The following SLC24A3 variants were observed in gnomAD, a reference collection of about 807,000 sequenced individuals.
SLC24A3 encodes solute carrier family 24 member 3.
Under a neutral mutation model 75.8 loss-of-function variants are expected in SLC24A3, and 28 were observed. The observed-to-expected ratio is 0.37, with a 90% CI of 0.27 to 0.51. The LOEUF (loss-of-function observed/expected upper bound fraction) is 0.51. Among genes scored for constraint, SLC24A3 ranks in the 20% least tolerant of loss-of-function variants. The pLI, the probability that SLC24A3 is intolerant of heterozygous loss-of-function variation, is 0.94. For missense variants in SLC24A3, 663 were observed against 847.8 expected, an observed-to-expected ratio of 0.78 and a Z score of 2.71; for synonymous variants, 372 against 334.1, an observed-to-expected ratio of 1.11 and a Z score of -1.24.
intron 1 of SLC24A3, among the ~76,000 whole-genome samples, chr20:19,268,631 C>T (rs754526421): frequency 3.3e-5 from 5 of 152,172 alleles, no homozygotes; most frequent in Non-Finnish European, 7.3e-5. Context: ...ACCAAGATGA[C>T]AAATTTCTGC....
chr20:19,520,769 T>C (rs1444166315), intron 3 of SLC24A3, among the ~76,000 whole-genome samples: 1 of 152,190 alleles, frequency 6.6e-6, no homozygotes, highest in Non-Finnish European at 1.5e-5. Flanking sequence ...CTTCCTCCCC[T>C]GGACCCAGGG....
intron 3 of SLC24A3, among the ~76,000 whole-genome samples, chr20:19,555,337 G>C (rs2030765490): frequency 6.6e-6 from 1 of 152,174 alleles, no homozygotes; most frequent in Non-Finnish European, 1.5e-5. Flanking sequence ...GTCGTGATTT[G>C]ACACTTCTTA....
chr20:19,354,034 T>C (rs888904513), intron 2 of SLC24A3, among the ~76,000 whole-genome samples: 5 of 152,042 alleles, frequency 3.3e-5, no homozygotes, highest in African/African-American at 1.2e-4. Flanking sequence ...TTCTAATAGC[T>C]CCAAACTAGA....
intron 2 of SLC24A3, among the ~76,000 whole-genome samples, chr20:19,454,948 GAC>G (rs1987553435): frequency 6.6e-6 from 1 of 152,158 alleles, no homozygotes; most frequent in Non-Finnish European, 1.5e-5. Context: ...GAGAATTATA[GAC>G]AGAGTCTAGG....
At chr20:19,408,390 CT>C (rs1219522685) in intron 2 of SLC24A3, among the ~76,000 whole-genome samples, 4,533 of 136,958 alleles carry the variant, frequency 0.033, 142 homozygotes, top group African/African-American at 0.1. Context: ...ATTAAAAATA[CT>C]TTTTTTTTTT....
At chr20:19,395,836 C>T (rs1007598874) in intron 2 of SLC24A3, among the ~76,000 whole-genome samples, 12 of 152,068 alleles carry the variant, frequency 7.9e-5, no homozygotes, top group Admixed American at 5.9e-4. Context: ...ATGAAGAGTT[C>T]ATGCCTGTGT....
At chr20:19,371,756 A>C (rs1176189453) in intron 2 of SLC24A3, among the ~76,000 whole-genome samples, 1 of 152,176 alleles carries the variant, frequency 6.6e-6, no homozygotes, top group South Asian at 2.1e-4. Flanking sequence ...TGTGAAGCTG[A>C]GGAAAGTCCT....
At chr20:19,680,172 CTGTGTGTCTG>C (rs377264326) in intron 9 of SLC24A3, among the ~76,000 whole-genome samples, 9,611 of 147,392 alleles carry the variant, frequency 0.065, 332 homozygotes, top group Middle Eastern at 0.12. Context: ...CTGTGTGTCT[CTGTGTGTCTG>C]TATGTGCATG....
At chr20:19,521,146 C>G (rs781185546) in intron 3 of SLC24A3, among the ~76,000 whole-genome samples, 17 of 152,168 alleles carry the variant, frequency 1.1e-4, no homozygotes, top group Non-Finnish European at 2.4e-4. Context: ...TTGCCTCCCT[C>G]CCTCCCCACA....
intron 1 of SLC24A3, among the ~76,000 whole-genome samples, chr20:19,226,399 C>G (rs1051992290): frequency 6.6e-6 from 1 of 152,118 alleles, no homozygotes; most frequent in Non-Finnish European, 1.5e-5. Flanking sequence ...CTATCACTGT[C>G]TGGTTTTGCT....
chr20:19,215,600 C>CCTCT (rs1981531705), intron 1 of SLC24A3, among the ~76,000 whole-genome samples: 1 of 152,044 alleles, frequency 6.6e-6, no homozygotes. Context: ...GCCCTTCCTC[C>CCTCT]CTCTCTCCTT....
chr20:19,431,106 G>A (rs904156455), intron 2 of SLC24A3, among the ~76,000 whole-genome samples: 1 of 152,088 alleles, frequency 6.6e-6, no homozygotes, highest in African/African-American at 2.4e-5. Flanking sequence ...TAACTGGCTG[G>A]TTGGCCAATG....
chr20:19,475,423 G>A (rs112563659), intron 2 of SLC24A3, among the ~76,000 whole-genome samples: 2,195 of 152,112 alleles, frequency 0.014, 21 homozygotes, highest in Middle Eastern at 0.034. Context: ...CCAATGGATG[G>A]CTATTGTAAA....
At chr20:19,380,337 T>A (rs1986159156) in intron 2 of SLC24A3, among the ~76,000 whole-genome samples, 3 of 152,128 alleles carry the variant, frequency 2.0e-5, no homozygotes, top group Admixed American at 2.0e-4. Flanking sequence ...GAGACAGGGC[T>A]GGAGACACTG....
chr20:19,646,709 A>G (rs910482847), intron 6 of SLC24A3, among the ~76,000 whole-genome samples: 1 of 152,162 alleles, frequency 6.6e-6, no homozygotes, highest in African/African-American at 2.4e-5. Context: ...AGAGCCCCTC[A>G]TGGCCTCTTT....
chr20:19,685,429 T>C (rs939962243), intron 12 of SLC24A3, 68 bp downstream of exon 12: 7 of 1,561,956 alleles, frequency 4.5e-6, no homozygotes, highest in African/African-American at 4.1e-5. Context: ...GCCCTTGACT[T>C]AGATTATCTT....
At chr20:19,360,782 C>G (rs1985771397) in intron 2 of SLC24A3, among the ~76,000 whole-genome samples, 1 of 152,178 alleles carries the variant, frequency 6.6e-6, no homozygotes, top group Non-Finnish European at 1.5e-5. Flanking sequence ...TATCTTTCTT[C>G]TCAATCCAAT....
intron 2 of SLC24A3, among the ~76,000 whole-genome samples, chr20:19,427,261 C>G (rs1313208255): frequency 6.6e-6 from 1 of 152,070 alleles, no homozygotes; most frequent in Non-Finnish European, 1.5e-5. Flanking sequence ...AAAAAAGCAG[C>G]AAAAGCCATG....
intron 9 of SLC24A3, among the ~76,000 whole-genome samples, chr20:19,681,553 G>A (rs1394679252): frequency 6.6e-6 from 1 of 152,208 alleles, no homozygotes; most frequent in Non-Finnish European, 1.5e-5. Flanking sequence ...GAGAAGGGGA[G>A]CTCAATCCCA....
Sources: allele counts gnomAD v4.1 joint callset (sites outside exome capture counted in the v4.1 genomes callset), GRCh38; gene constraint gnomAD v4.1.1; transcripts MANE v1.5; gene names NCBI Gene and HGNC (gene_info 2026-07-23, HGNC 2026-07-21).